The following FKTN variants were observed in gnomAD, a reference collection of about 807,000 sequenced individuals.
FKTN encodes fukutin, also known as ribitol-5-phosphate transferase FKTN.
A neutral mutation model predicts 58.6 loss-of-function variants in FKTN; 47 were observed. The ratio of observed to expected loss-of-function variants is 0.80; its 90% CI spans 0.63 to 1.02. The LOEUF is 1.02. Ranked by LOEUF, FKTN falls within the 50% of genes least tolerant of loss-of-function variation. The pLI is 0.00. For missense variants in FKTN, 516 were observed against 537.3 expected (o/e 0.96, Z 0.39); for synonymous variants, 178 against 191.9 (o/e 0.93, Z 0.60).
chr9:105,583,763 A>G (rs1843431076), intron 3 of FKTN, among the ~76,000 whole-genome samples: 1 of 152,168 alleles, frequency 6.6e-6, no homozygotes, highest in South Asian at 2.1e-4. Context: ...TTTATGTTAT[A>G]AGTAGCCCAA....
chr9:105,615,358 A>G lies in FKTN; in HGVS notation c.861A>G (p.Thr287=), dbSNP rs537843598. Residue 287 remains threonine (T), a synonymous_variant, in exon 8 of 11, where the codon ACA becomes ACG. Coordinates refer to ENST00000357998, the MANE Select transcript of FKTN (RefSeq NM_001079802.2). ...AATTACTGCAACTAGCAGCGAAAAC[A>G]TTAAACAAATTGGGAGTACCATTCT... ...AKELLQLAAK[T]LNKLGVPFWL... 1.2e-6 allele frequency: 2 copies of G among 1,614,106 alleles called. No individual in the cohort carries two copies. Among genetic ancestry groups the G allele is most frequent in the South Asian group, 1.1e-5 (1 of 91,084 alleles).
chr9:105,622,003 C>T (rs1832049406), intron 10 of FKTN, among the ~76,000 whole-genome samples: 2 of 151,894 alleles, frequency 1.3e-5, no homozygotes. Context: ...GCCAAATTGC[C>T]CTCCAAAGAT....
chr9:105,568,036 T>G (rs1840012790), intron 1 of FKTN, among the ~76,000 whole-genome samples: 1 of 152,090 alleles, frequency 6.6e-6, no homozygotes, highest in Non-Finnish European at 1.5e-5. Context: ...AAACAAGAAA[T>G]GGGGAAAGGA....
intron 10 of FKTN, among the ~76,000 whole-genome samples, chr9:105,626,323 A>G (rs1832731373): frequency 6.6e-6 from 1 of 152,190 alleles, no homozygotes; most frequent in Non-Finnish European, 1.5e-5. Flanking sequence ...GATGATGGGA[A>G]GTCCAAGATA....
chr9:105,574,863 TTTCTTTGTTCTATTG>T, intron 2 of FKTN, 67 bp from the exon 3 acceptor site: 1 of 601,392 alleles, frequency 1.7e-6, no homozygotes, highest in Non-Finnish European at 3.0e-6. Context: ...AATTTAATTT[TTTCTTTGTTCTATTG>T]TTGGTTATTA....
At chr9:105,578,641 T>G (rs1280973273) in intron 3 of FKTN, among the ~76,000 whole-genome samples, 1 of 152,060 alleles carries the variant, frequency 6.6e-6, no homozygotes, top group African/African-American at 2.4e-5. Context: ...CTTTTTTTGT[T>G]GAGTCTCTGC....
chr9:105,568,064 G>C (rs1410396473), intron 1 of FKTN, among the ~76,000 whole-genome samples: 3 of 152,260 alleles, frequency 2.0e-5, no homozygotes, highest in Non-Finnish European at 4.4e-5. Flanking sequence ...TTTAACAAAT[G>C]GTGCTGGGAA....
In FKTN at chr9:105,618,037, A is replaced by G. The variant is rs1414568181; in HGVS notation, c.989A>G (p.Asp330Gly). The change falls in exon 9 of 11, where the codon GAT becomes GGT. Residue 330 changes from aspartate (D) to glycine (G), a missense_variant. Transcript: ENST00000357998. ...LGIFIQDYKS[D>G]IILAFQDAGL... ...ATTTTTATACAAGATTACAAATCTG[A>G]TATTATTTTAGCATTTCAGGATGCA... 5 of 1,607,238 alleles carry G rather than the reference A, an allele frequency of 3.1e-6. No homozygotes were observed. Among genetic ancestry groups the G allele is most frequent in the Admixed American group, 1.7e-5 (1 of 59,994 alleles).
Position 105,620,047 on chromosome 9 carries a change from A to G in FKTN, c.1158A>G (p.Thr386=), listed in dbSNP as rs886044528. 3 of 1,612,366 alleles carry G rather than the reference A, an allele frequency of 1.9e-6. No individual in the cohort carries two copies. Among genetic ancestry groups the G allele is most frequent in the Admixed American group, 1.7e-5 (1 of 60,016 alleles). Residue 386 remains threonine (T), a synonymous_variant, in exon 10 of 11, where the codon ACA becomes ACG. Coordinates refer to ENST00000357998, the MANE Select transcript of FKTN (RefSeq NM_001079802.2). ...GGAATGGAGGCACTCAGGCCAAAAC[A>G]GGAAAAAAATTCAAGTATGAATCAA... ...HMWNGGTQAK[T]GKKFKYLFPK...
intron 3 of FKTN, among the ~76,000 whole-genome samples, chr9:105,576,238 A>T (rs1485314801): frequency 6.6e-6 from 1 of 150,818 alleles, no homozygotes; most frequent in Non-Finnish European, 1.5e-5. Context: ...ACATATGTAT[A>T]CATTTGCCGT....
At chr9:105,589,941 T>G (rs1234538591) in intron 3 of FKTN, among the ~76,000 whole-genome samples, 1 of 152,104 alleles carries the variant, frequency 6.6e-6, no homozygotes, top group African/African-American at 2.4e-5. Flanking sequence ...AAGGTTAGAG[T>G]TTCCTGTTAC....
At chr9:105,609,125 T>A (rs568105616) in intron 7 of FKTN, among the ~76,000 whole-genome samples, 7 of 152,304 alleles carry the variant, frequency 4.6e-5, no homozygotes, top group Non-Finnish European at 1.0e-4. Flanking sequence ...CTACTGTACC[T>A]GGCATAAAGA....
chr9:105,565,583 C>G (rs1177156074), intron 1 of FKTN, among the ~76,000 whole-genome samples: 1 of 151,824 alleles, frequency 6.6e-6, no homozygotes, highest in Non-Finnish European at 1.5e-5. Flanking sequence ...GGGATCAATT[C>G]AACAAGAAGA....
intron 1 of FKTN, among the ~76,000 whole-genome samples, chr9:105,561,013 G>A (rs991776745): frequency 3.3e-5 from 5 of 152,126 alleles, no homozygotes; most frequent in African/African-American, 7.2e-5. Context: ...CTTGAACCTG[G>A]GAGCGGAGGT....
chr9:105,618,909 A>AG (rs1831321808), intron 9 of FKTN, among the ~76,000 whole-genome samples: 1 of 151,792 alleles, frequency 6.6e-6, no homozygotes, highest in Non-Finnish European at 1.5e-5. Flanking sequence ...TACAAAAAAA[A>AG]TTAGCCGGGC....
At chr9:105,574,407 C>A (rs1841314764) in intron 2 of FKTN, 1 of 152,096 alleles carries the variant, frequency 6.6e-6, no homozygotes, top group South Asian at 2.1e-4. Flanking sequence ...GATGAAAGAA[C>A]AAAATGTTTA....
In FKTN at chr9:105,596,603, A is replaced by G. The variant is rs199594298; in HGVS notation, c.111A>G (p.Gly37=). The G allele has an allele frequency of 8.7e-6, 14 of 1,611,654 alleles. No individual in the cohort carries two copies. Among genetic ancestry groups the G allele is most frequent in the Non-Finnish European group, 1.2e-5 (14 of 1,177,996 alleles). The change falls in exon 4 of 11, where the codon GGA becomes GGG. Residue 37 remains glycine (G), a synonymous_variant. Coordinates refer to ENST00000357998, the MANE Select transcript of FKTN (RefSeq NM_001079802.2). The part of the protein sequence containing the change: ...YYKHYLSTKN[G]AGLSKSKGSR... ...TTCTTTTGTTGTCTTCCTAGAATGGAGCTGGTTTGTCAAAATCCAAAGGAA... is the reference window on the plus strand; with the variant it reads ...TTCTTTTGTTGTCTTCCTAGAATGGGGCTGGTTTGTCAAAATCCAAAGGAA...
At chr9:105,628,558 T>C (rs1205312919) in intron 10 of FKTN, among the ~76,000 whole-genome samples, 1 of 152,204 alleles carries the variant, frequency 6.6e-6, no homozygotes, top group Non-Finnish European at 1.5e-5. Context: ...TAAGATATTA[T>C]ATAGGATAGT....
At chr9:105,613,324 T>C (rs113609092) in intron 7 of FKTN, among the ~76,000 whole-genome samples, 2 of 152,228 alleles carry the variant, frequency 1.3e-5, no homozygotes, top group African/African-American at 2.4e-5. Flanking sequence ...AGAGCACTTA[T>C]GGCTTTGAGG....
Sources: gnomAD v4.1 joint callset for allele counts (sites outside exome capture counted in the v4.1 genomes callset) on GRCh38, gnomAD v4.1.1 for gene constraint, MANE v1.5 for transcripts, NCBI Gene and HGNC (gene_info 2026-07-23, HGNC 2026-07-21) for gene names.